DLG2: variants seen among roughly 807,000 people sequenced by gnomAD.
The protein encoded by DLG2 is discs large MAGUK scaffold protein 2, also known as disks large homolog 2.
Under a neutral mutation model 132.5 loss-of-function variants are expected in DLG2, and 45 were observed. The observed-to-expected ratio is 0.34, with a 90% confidence interval of 0.27 to 0.44. DLG2 has a LOEUF of 0.44. Among genes scored for constraint, DLG2 ranks in the 20% least tolerant of loss-of-function variants. The probability of loss-of-function intolerance (pLI) is 1.00; values close to 1 mark genes in which losing one functional copy is unlikely to be tolerated. For synonymous variants in DLG2, 424 were observed against 419.6 expected (o/e 1.01, Z -0.13); for missense variants, 1,045 against 1,196.9 (o/e 0.87, Z 1.87).
intron 19 of DLG2, among the ~76,000 whole-genome samples, chr11:83,557,782 G>T (rs886784922): frequency 2.0e-5 from 3 of 152,182 alleles, no homozygotes; most frequent in African/African-American, 7.2e-5. Context: ...GGTAATCTGG[G>T]GTGGTGGGGA....
At chr11:84,498,497 C>T (rs182380971) in intron 7 of DLG2, among the ~76,000 whole-genome samples, 2 of 152,036 alleles carry the variant, frequency 1.3e-5, no homozygotes, top group Non-Finnish European at 2.9e-5. Context: ...AAGAAAACAG[C>T]CACAGATACA....
chr11:85,379,629 C>T (rs1414131183), intron 3 of DLG2, among the ~76,000 whole-genome samples: 5 of 152,156 alleles, frequency 3.3e-5, no homozygotes, highest in African/African-American at 1.2e-4. Context: ...GTTATAAAGT[C>T]AACTATTATA....
At chr11:83,854,313 A>T (rs187906236) in intron 16 of DLG2, among the ~76,000 whole-genome samples, 1 of 152,112 alleles carries the variant, frequency 6.6e-6, no homozygotes, top group Admixed American at 6.6e-5. Context: ...TTCCAACTTA[A>T]TTTGTAGATT....
intron 19 of DLG2, among the ~76,000 whole-genome samples, chr11:83,572,578 CCAGAAAGCTA>C (rs2096814988): frequency 6.6e-6 from 1 of 152,092 alleles, no homozygotes; most frequent in African/African-American, 2.4e-5. Flanking sequence ...GTACAGAATC[CCAGAAAGCTA>C]CATGCGCAGT....
At chr11:85,299,421 T>C (rs184842651) in intron 3 of DLG2, among the ~76,000 whole-genome samples, 1 of 152,294 alleles carries the variant, frequency 6.6e-6, no homozygotes, top group Non-Finnish European at 1.5e-5. Flanking sequence ...TCTTGTCACC[T>C]AGGATGTTTT....
Position 85,611,935 on chromosome 11 carries a change from A to G in DLG2, c.-92-13147T>C, listed in dbSNP as rs77446030. On this transcript the variant is annotated intron_variant, in intron 2 of 27. Coordinates refer to ENST00000376104, the MANE Select transcript of DLG2 (RefSeq NM_001142699.3). ...GAAAGACCAGCAGAGAGAGAGAGAG[A>G]GGAAGAGACAGAGATATAGAGAGAG... 9.1e-3 allele frequency among the ~76,000 whole-genome samples: 1,383 copies of G among 152,184 alleles called. 19 individuals are homozygous for G. Among genetic ancestry groups the G allele is most frequent in the African/African-American group, 0.03 (1,234 of 41,502 alleles).
intron 6 of DLG2, among the ~76,000 whole-genome samples, chr11:85,000,592 G>C (rs2058121906): frequency 1.3e-5 from 2 of 152,040 alleles, no homozygotes; most frequent in South Asian, 4.1e-4. Flanking sequence ...TTTAGGATCT[G>C]GCCTATACTA....
At chr11:84,390,279 T>A (rs1015459863) in intron 7 of DLG2, among the ~76,000 whole-genome samples, 2 of 152,146 alleles carry the variant, frequency 1.3e-5, no homozygotes, top group Admixed American at 1.3e-4. Context: ...CCCCTGATAA[T>A]AGAGTCCACT....
intron 9 of DLG2, among the ~76,000 whole-genome samples, chr11:84,133,780 T>A (rs1414774735): frequency 3.9e-5 from 6 of 151,932 alleles, no homozygotes; most frequent in Non-Finnish European, 7.4e-5. Context: ...TATGCCCAGG[T>A]AAAAGAAGAC....
chr11:83,867,448 T>C (rs1454402796), intron 16 of DLG2, among the ~76,000 whole-genome samples: 1 of 152,134 alleles, frequency 6.6e-6, no homozygotes, highest in Non-Finnish European at 1.5e-5. Context: ...AGTCTGTGTG[T>C]TTTCAATACC....
At chr11:83,929,542 T>C (rs2079746131) in intron 15 of DLG2, among the ~76,000 whole-genome samples, 1 of 152,200 alleles carries the variant, frequency 6.6e-6, no homozygotes, top group Non-Finnish European at 1.5e-5. Context: ...TAACACAGAA[T>C]TGTGTCCAAC....
intron 3 of DLG2, among the ~76,000 whole-genome samples, chr11:85,517,612 C>CTT (rs532793481): frequency 1.6e-4 from 23 of 145,116 alleles, no homozygotes; most frequent in African/African-American, 5.0e-4. Context: ...TTTCTTTCTT[C>CTT]TTTTTTTTTT....
At chr11:84,600,143 GGAAAGAAAGAAAGAAGGAAA>G (rs2099572333) in intron 6 of DLG2, among the ~76,000 whole-genome samples, 3 of 71,932 alleles carry the variant, frequency 4.2e-5, no homozygotes, top group African/African-American at 5.7e-5. Flanking sequence ...AAAGAAAGAA[GGAAAGAAAGAAAGAAGGAAA>G]GAAAGAAAGA....
intron 6 of DLG2, among the ~76,000 whole-genome samples, chr11:84,579,345 A>G (rs962188024): frequency 4.6e-5 from 7 of 152,164 alleles, no homozygotes; most frequent in Admixed American, 3.9e-4. Context: ...TTAAAACTCA[A>G]TAATACACAG....
chr11:83,740,459 A>G (rs1366625800), intron 18 of DLG2, among the ~76,000 whole-genome samples: 1 of 152,210 alleles, frequency 6.6e-6, no homozygotes, highest in African/African-American at 2.4e-5. Flanking sequence ...GATAAAAACT[A>G]ATCAAAGACA....
intron 16 of DLG2, among the ~76,000 whole-genome samples, chr11:83,850,119 G>C (rs912087439): frequency 1.1e-5 from 1 of 88,242 alleles, no homozygotes; most frequent in African/African-American, 4.4e-5. Flanking sequence ...TAACATTTGG[G>C]GTAAGTGTGT....
chr11:85,358,670 C>T (rs1214027921), intron 3 of DLG2, among the ~76,000 whole-genome samples: 1 of 152,176 alleles, frequency 6.6e-6, no homozygotes, highest in Non-Finnish European at 1.5e-5. Context: ...TCAATAATGT[C>T]TTCTGAACCA....
At chr11:83,590,451 A>G (rs1364597117) in intron 19 of DLG2, among the ~76,000 whole-genome samples, 1 of 152,188 alleles carries the variant, frequency 6.6e-6, no homozygotes, top group Admixed American at 6.5e-5. Flanking sequence ...ATGAGAACAA[A>G]GACACAGCAT....
intron 6 of DLG2, among the ~76,000 whole-genome samples, chr11:85,110,243 T>C (rs1429143013): frequency 6.6e-6 from 1 of 151,860 alleles, no homozygotes; most frequent in African/African-American, 2.4e-5. Flanking sequence ...AACCTCGTTA[T>C]TTACCAAAAA....
Sources: gnomAD v4.1 joint callset for allele counts (sites outside exome capture counted in the v4.1 genomes callset) on GRCh38, gnomAD v4.1.1 for gene constraint, MANE v1.5 for transcripts, NCBI Gene and HGNC (gene_info 2026-07-23, HGNC 2026-07-21) for gene names.